The following EIF3M variants were observed in gnomAD, a reference collection of about 807,000 sequenced individuals.
EIF3M encodes the protein eukaryotic translation initiation factor 3 subunit M.
Under a neutral mutation model 49.7 loss-of-function variants are expected in EIF3M, and 25 were observed. The ratio of observed to expected loss-of-function variants is 0.50; its 90% CI spans 0.37 to 0.70. The LOEUF (loss-of-function observed/expected upper bound fraction) is 0.70. Ranked by LOEUF, EIF3M falls within the 30% of genes least tolerant of loss-of-function variation. EIF3M has a pLI of 0.00. For synonymous variants in EIF3M, 156 were observed against 149.8 expected (o/e 1.04, Z -0.30); for missense variants, 350 against 440.0 (o/e 0.80, Z 1.83).
chr11:32,587,272 G>A, intron 2 of EIF3M, 128 bp downstream of exon 2: 1 of 904,874 alleles, frequency 1.1e-6, no homozygotes, highest in Admixed American at 3.2e-5. Context: ...AAGGCTGACT[G>A]TATTTATATG....
At chr11:32,586,253 C>CA (rs369755109) in intron 1 of EIF3M, among the ~76,000 whole-genome samples, 3,628 of 150,076 alleles carry the variant, frequency 0.024, 148 homozygotes, top group African/African-American at 0.084. Context: ...CAAAACAAAA[C>CA]AAAAAAAAAC....
At chr11:32,597,492 A>G (rs1855198690) in intron 8 of EIF3M, among the ~76,000 whole-genome samples, 1 of 152,244 alleles carries the variant, frequency 6.6e-6, no homozygotes, top group Non-Finnish European at 1.5e-5. Flanking sequence ...TGTTGAAAAC[A>G]GCATAGTCTT....
At chr11:32,589,437 A>G (rs1855059085) in intron 4 of EIF3M, 110 bp from the exon 5 acceptor site, 1 of 1,129,102 alleles carries the variant, frequency 8.9e-7, no homozygotes, top group Non-Finnish European at 1.3e-6. Flanking sequence ...TGGCCTCCCA[A>G]AGTGCTGGGG....
intron 1 of EIF3M, among the ~76,000 whole-genome samples, chr11:32,586,415 A>C (rs973396738): frequency 2.0e-5 from 3 of 152,192 alleles, no homozygotes; most frequent in African/African-American, 7.2e-5. Flanking sequence ...TCAGATATGC[A>C]TTTTTAATTT....
At chr11:32,588,903 A>G (rs2133194899) in intron 3 of EIF3M, 109 bp from the exon 4 acceptor site, 1 of 1,534,568 alleles carries the variant, frequency 6.5e-7, no homozygotes, top group East Asian at 2.3e-5. Context: ...CCTCCTTTGT[A>G]ATATGAAGTT....
intron 3 of EIF3M, 42 bp downstream of exon 3, chr11:32,588,774 T>G (rs779629980): frequency 6.2e-7 from 1 of 1,611,690 alleles, no homozygotes; most frequent in Non-Finnish European, 8.5e-7. Flanking sequence ...TCTAGGTGCT[T>G]TTTTCATGTT....
rs751509568 is a variant in EIF3M at position 32,587,156 on chromosome 11, A to AT, written c.175+19dup. On this transcript the variant is annotated intron_variant, in intron 2 of 10. Coordinates refer to ENST00000531120, the MANE Select transcript of EIF3M (RefSeq NM_006360.6). Reference sequence around the variant, plus strand: ...GGAGGATGATAAAGGTTTGTTTTTAATTTTTTTCTAATATTTCCTAATAAA... The same window carrying AT: ...GGAGGATGATAAAGGTTTGTTTTTAATTTTTTTTCTAATATTTCCTAATAAA... The AT allele has an allele frequency of 1.3e-6, 2 of 1,545,276 alleles. No homozygotes were observed. Among genetic ancestry groups the AT allele is most frequent in the Non-Finnish European group, 8.7e-7 (1 of 1,146,542 alleles).
At chr11:32,597,234 T>C (rs1176189021) in intron 8 of EIF3M, among the ~76,000 whole-genome samples, 2 of 152,260 alleles carry the variant, frequency 1.3e-5, no homozygotes, top group African/African-American at 2.4e-5. Flanking sequence ...CTTAAAATAA[T>C]ATTGTTTCTT....
At position 32,605,949 on chromosome 11, in the gene EIF3M, C is replaced by T; in HGVS notation, c.*3550C>T. Reference sequence around the variant, plus strand: ...AATTTCCCCTAGCTTGGTACTAGTCCTTTTATTTCTGCCTGTGATTATATT... The same window carrying T: ...AATTTCCCCTAGCTTGGTACTAGTCTTTTTATTTCTGCCTGTGATTATATT... On this transcript the variant is annotated 3_prime_UTR_variant, in exon 11 of 11. Transcript: ENST00000531120. 6.6e-6 allele frequency: 1 copy of T among 151,956 alleles called. No individual in the cohort carries two copies. The highest frequency in any genetic ancestry group is 1.9e-4 in the East Asian group (1 of 5,188). 9.4% of individuals were successfully genotyped at this position (151,956 alleles called of 1,614,324 possible).
intron 5 of EIF3M, 143 bp downstream of exon 5, chr11:32,589,784 C>G: frequency 1.7e-6 from 1 of 598,782 alleles, no homozygotes; most frequent in Non-Finnish European, 2.8e-6. Flanking sequence ...ATAAATTTGA[C>G]CTAAAGTTAA....
At chr11:32,585,972 ATAATC>A in intron 1 of EIF3M, among the ~76,000 whole-genome samples, 1 of 152,114 alleles carries the variant, frequency 6.6e-6, no homozygotes, top group Non-Finnish European at 1.5e-5. Flanking sequence ...GCTCACGCCT[ATAATC>A]TTAGCACTTT....
At chr11:32,585,124 C>T (rs545914562) in intron 1 of EIF3M, among the ~76,000 whole-genome samples, 64 of 152,076 alleles carry the variant, frequency 4.2e-4, no homozygotes, top group African/African-American at 1.4e-3. Flanking sequence ...AATGCAGTTC[C>T]GATGCTCTGA....
intron 8 of EIF3M, among the ~76,000 whole-genome samples, chr11:32,599,468 C>T (rs1032113751): frequency 1.3e-5 from 2 of 151,892 alleles, no homozygotes; most frequent in Non-Finnish European, 2.9e-5. Flanking sequence ...TAATGGGCTT[C>T]CCTAATCTTC....
intron 6 of EIF3M, 112 bp from the exon 7 acceptor site, chr11:32,594,801 GT>G (rs2133199939): frequency 1.2e-6 from 1 of 841,892 alleles, no homozygotes; most frequent in East Asian, 2.6e-5. Context: ...TTGTTTATAT[GT>G]TTTGGACTGT....
chr11:32,605,401 GTCATT>G lies in EIF3M; in HGVS notation c.*3004_*3008del, dbSNP rs941485349. ...AGGACTGCTAAGAGAACCTAGGCAA[GTCATT>G]TAATTTTTCTGGGCTTCAGTTTACT... On this transcript the variant is annotated 3_prime_UTR_variant, in exon 11 of 11. Coordinates refer to ENST00000531120, the MANE Select transcript of EIF3M (RefSeq NM_006360.6). The G allele has an allele frequency of 7.9e-5, 12 of 152,062 alleles. No individual in the cohort carries two copies. Among genetic ancestry groups the G allele is most frequent in the African/African-American group, 2.9e-4 (12 of 41,412 alleles). 9.4% of individuals were successfully genotyped at this position (152,062 alleles called of 1,614,324 possible).
intron 9 of EIF3M, 43 bp downstream of exon 9, chr11:32,600,875 A>G (rs767736836): frequency 1.3e-6 from 2 of 1,557,322 alleles, no homozygotes; most frequent in African/African-American, 2.8e-5. Flanking sequence ...AGAATTTCTC[A>G]TCTACTACAT....
rs1044040593 is a variant in EIF3M at position 32,602,853 on chromosome 11, T to G, written c.*454T>G. On this transcript the variant is annotated 3_prime_UTR_variant, in exon 11 of 11. Transcript: ENST00000531120. ...TTTTTTCCAACGTCTCTTCTGCTTT[T>G]CTTTTCTTTGGCTGGTTGTCATTTT... The G allele has an allele frequency of 8.1e-6, 13 of 1,609,824 alleles. No individual in the cohort carries two copies. The highest frequency in any genetic ancestry group is 4.0e-5 in the African/African-American group (3 of 74,584).
chr11:32,585,394 A>G (rs933381145), intron 1 of EIF3M, among the ~76,000 whole-genome samples: 5 of 152,146 alleles, frequency 3.3e-5, no homozygotes, highest in African/African-American at 1.2e-4. Flanking sequence ...TTCTTGTAAC[A>G]TCAGTATCGC....
At position 32,588,648 on chromosome 11, in the gene EIF3M, A is replaced by G; in HGVS notation, c.230A>G (p.Asp77Gly). ...VVSLLLILEP[D>G]KQEALIESLC... ...TCCCTACTCTTGATCCTGGAACCAG[A>G]CAAGCAAGAAGCTTTGATTGAAAGC... Residue 77 changes from aspartate to glycine, a missense_variant, in exon 3 of 11, where the codon GAC becomes GGC. Transcript: ENST00000531120. 5 of 1,614,222 alleles carry G rather than the reference A, an allele frequency of 3.1e-6. No individual in the cohort carries two copies. Among genetic ancestry groups the G allele is most frequent in the Non-Finnish European group, 4.2e-6 (5 of 1,180,042 alleles).
Sources: allele counts gnomAD v4.1 joint callset (sites outside exome capture counted in the v4.1 genomes callset), GRCh38; gene constraint gnomAD v4.1.1; transcripts MANE v1.5; gene names NCBI Gene and HGNC (gene_info 2026-07-23, HGNC 2026-07-21).